MTOR: variants seen among roughly 807,000 people sequenced by gnomAD.
MTOR encodes serine/threonine-protein kinase mTOR.
Under a neutral mutation model 319.8 loss-of-function variants are expected in MTOR, and 70 were observed. The observed-to-expected ratio is 0.22, with a 90% CI of 0.18 to 0.27. The LOEUF is 0.27. Ranked by LOEUF, MTOR falls within the 10% of genes least tolerant of loss-of-function variation. The pLI is 1.00. For missense variants in MTOR, 1,890 were observed against 3,274.4 expected, an observed-to-expected ratio of 0.58 and a Z score of 10.32; for synonymous variants, 1,183 against 1,211.4, an observed-to-expected ratio of 0.98 and a Z score of 0.49.
At chr1:11,243,480 C>T (rs1384763692) in intron 8 of MTOR, among the ~76,000 whole-genome samples, 180 bp from the exon 9 acceptor site, 5 of 151,824 alleles carry the variant, frequency 3.3e-5, no homozygotes, top group African/African-American at 1.2e-4. Flanking sequence ...GTGTTTGAGG[C>T]CAGGAGTTCG....
chr1:11,200,779 G>C (rs79292298), intron 26 of MTOR, among the ~76,000 whole-genome samples: 1 of 152,304 alleles, frequency 6.6e-6, no homozygotes, highest in South Asian at 2.1e-4. Context: ...ACTTTGGGGG[G>C]CTGAGGCGGG....
chr1:11,249,564 G>A (rs1261847514), intron 6 of MTOR, among the ~76,000 whole-genome samples: 6 of 141,028 alleles, frequency 4.3e-5, no homozygotes, highest in East Asian at 2.1e-4. Flanking sequence ...AGGACCCTGC[G>A]GCCTTCCGCA....
In MTOR at chr1:11,121,408, A is replaced by C. The variant is rs777179085; in HGVS notation, c.6811-40T>G. 2.5e-6 allele frequency: 4 copies of C among 1,610,694 alleles called. No individual in the cohort carries two copies. The highest frequency in any genetic ancestry group is 3.4e-6 in the Non-Finnish European group (4 of 1,178,582). On this transcript the variant is annotated intron_variant, in intron 48 of 57. Coordinates refer to ENST00000361445, the MANE Select transcript of MTOR (RefSeq NM_004958.4). This position sits in a 1 kb window ranked among gnomAD's most constrained non-coding sequence, Gnocchi z 4.9. Reference sequence around the variant, plus strand: ...AACTGTTCAGTAAGAGAGCAGCCTAAGACATGTAGTTTGGGTCCAGGAAGA... The same window carrying C: ...AACTGTTCAGTAAGAGAGCAGCCTACGACATGTAGTTTGGGTCCAGGAAGA...
rs1557771002 is a variant in MTOR, at chr1:11,144,758, G to A, written c.4765-3C>T. ...AGCATGTGGCAAGAAACCATGGCCTGATGGAAGCAAATCGCATTCCAAACT... is the reference window on the plus strand; with the variant it reads ...AGCATGTGGCAAGAAACCATGGCCTAATGGAAGCAAATCGCATTCCAAACT... On this transcript the variant is annotated splice_polypyrimidine_tract_variant and splice_region_variant and intron_variant, in intron 33 of 57. Transcript: ENST00000361445. 18 of 1,611,778 alleles carry A rather than the reference G, an allele frequency of 1.1e-5. No homozygotes were observed. The highest frequency in any genetic ancestry group is 1.4e-5 in the Non-Finnish European group (17 of 1,179,686).
rs2100360140 is a variant in MTOR, at chr1:11,121,898, A to T, written c.6810+81T>A. 1 of 1,548,472 alleles carries T rather than the reference A, an allele frequency of 6.5e-7. No individual in the cohort carries two copies. The highest frequency in any genetic ancestry group is 2.3e-5 in the East Asian group (1 of 43,930). ...AAAGAGATTTTTCAGTGACAGACAT[A>T]CAGAGAGGAATGAGAAAAGCAGCGC... On this transcript the variant is annotated intron_variant, in intron 48 of 57. Transcript: ENST00000361445. This position sits in a 1 kb window ranked among gnomAD's most constrained non-coding sequence, Gnocchi z 4.9.
chr1:11,227,992 T>C (rs370971146), intron 19 of MTOR, among the ~76,000 whole-genome samples: 1 of 151,832 alleles, frequency 6.6e-6, no homozygotes, highest in Non-Finnish European at 1.5e-5. Context: ...GACCAACTGG[T>C]GGCAGTATGA....
chr1:11,158,249 A>C (rs188597261), intron 29 of MTOR, among the ~76,000 whole-genome samples: 1 of 152,320 alleles, frequency 6.6e-6, no homozygotes, highest in East Asian at 1.9e-4. Context: ...TTCTGCAGTG[A>C]AATTTGTATG....
intron 28 of MTOR, among the ~76,000 whole-genome samples, chr1:11,171,729 T>C (rs1260900736): frequency 6.6e-6 from 1 of 152,016 alleles, no homozygotes; most frequent in Non-Finnish European, 1.5e-5. Flanking sequence ...ACATATGGCC[T>C]TAACTCCTTT....
At chr1:11,226,358 T>A (rs2100843786) in intron 19 of MTOR, 1 of 152,224 alleles carries the variant, frequency 6.6e-6, no homozygotes, top group African/African-American at 2.4e-5. Flanking sequence ...ATTCCGTATT[T>A]TTTTAAAAAT....
chr1:11,236,851 T>C (rs1046446124), intron 13 of MTOR, among the ~76,000 whole-genome samples: 8 of 152,094 alleles, frequency 5.3e-5, no homozygotes, highest in African/African-American at 1.7e-4. Context: ...CTGAGGAATG[T>C]TTTTAAGACT....
chr1:11,154,726 G>A (rs1017001598), intron 30 of MTOR, among the ~76,000 whole-genome samples: 2 of 152,140 alleles, frequency 1.3e-5, no homozygotes, highest in Admixed American at 6.5e-5. Context: ...GTGCATTTCT[G>A]TAGTTCCTTC....
intron 3 of MTOR, among the ~76,000 whole-genome samples, chr1:11,257,380 C>CAAAAAAAAAA (rs1006118528): frequency 5.4e-5 from 2 of 36,748 alleles, no homozygotes; most frequent in African/African-American, 8.8e-5. Context: ...TACTAAGATA[C>CAAAAAAAAAA]AAAAAAAAAA....
In MTOR at chr1:11,212,237, C is replaced by A; in HGVS notation, c.3561+75G>T. ...GATGGTGGCTGGCATCAGACAAAGT[C>A]TGAGTGGCTCACAGACAAAGTCTTC... On this transcript the variant is annotated intron_variant, in intron 23 of 57. Transcript: ENST00000361445. The surrounding 1 kb of genome is among the most constrained non-coding windows in gnomAD (Gnocchi z 4.1). 6.6e-7 allele frequency: 1 copy of A among 1,519,094 alleles called. No individual in the cohort carries two copies. The highest frequency in any genetic ancestry group is 8.9e-7 in the Non-Finnish European group (1 of 1,129,636). The allele number at this position is 1,519,094 out of a possible 1,614,324, so 94.1% of individuals were successfully genotyped here. A position where few individuals can be genotyped will look rare whatever the true frequency, so the allele number is the denominator to read the frequency against.
At chr1:11,189,856 T>A in intron 28 of MTOR, 1 of 1,613,628 alleles carries the variant, frequency 6.2e-7, no homozygotes, top group Non-Finnish European at 8.5e-7. Context: ...GCGCATGGAG[T>A]CGCGGCTCAC....
chr1:11,194,314 A>G (rs1173189571), intron 28 of MTOR: 5 of 763,144 alleles, frequency 6.6e-6, no homozygotes, highest in Non-Finnish European at 1.1e-5. Context: ...AACACAGTAA[A>G]CTGGAGGTAA....
chr1:11,250,287 C>T (rs193140797), intron 6 of MTOR, among the ~76,000 whole-genome samples: 2,292 of 145,830 alleles, frequency 0.016, 27 homozygotes, highest in South Asian at 0.035. Flanking sequence ...CCCCCCACCT[C>T]CCTCCCAGAT....
At chr1:11,177,588 C>G (rs888626267) in intron 28 of MTOR, among the ~76,000 whole-genome samples, 2 of 152,084 alleles carry the variant, frequency 1.3e-5, no homozygotes, top group Non-Finnish European at 2.9e-5. Context: ...CCTGATGTCT[C>G]AGGCTCAGAG....
rs28730682 is a variant in MTOR, at chr1:11,139,461, T to C, written c.4999-26A>G. On this transcript the variant is annotated intron_variant, in intron 35 of 57. Coordinates refer to ENST00000361445, the MANE Select transcript of MTOR (RefSeq NM_004958.4). ...CTTAAAAATAAGAGAAACTGGGTTA[T>C]AGACAGAACTGGACAGCCCAGGGAC... is the stretch of plus-strand genomic sequence containing the variant. 17,577 of 1,614,036 alleles carry C rather than the reference T, an allele frequency of 0.011. 617 individuals carry two copies. Among genetic ancestry groups the C allele is most frequent in the African/African-American group, 0.069 (5,159 of 74,986 alleles).
At chr1:11,162,014 G>A (rs1292357053) in intron 29 of MTOR, among the ~76,000 whole-genome samples, 8 of 152,092 alleles carry the variant, frequency 5.3e-5, no homozygotes, top group Non-Finnish European at 8.8e-5. Context: ...CAAACCCATC[G>A]CAAAGAAGCT....
Sources: allele counts gnomAD v4.1 joint callset (sites outside exome capture counted in the v4.1 genomes callset), GRCh38; gene constraint gnomAD v4.1.1; non-coding constraint Gnocchi (gnomAD v3.1); transcripts MANE v1.5; gene names NCBI Gene and HGNC (gene_info 2026-07-23, HGNC 2026-07-21).